The following CREB1 variants were observed in gnomAD, a reference collection of about 807,000 sequenced individuals.
CREB1 encodes the protein cyclic AMP-responsive element-binding protein 1.
CREB1 carries 2 observed loss-of-function variants against 42.0 expected under a neutral mutation model. The observed-to-expected ratio is 0.05, with a 90% CI of 0.02 to 0.15. The LOEUF (loss-of-function observed/expected upper bound fraction) is 0.15, where lower values mean the gene tolerates loss of function less well. CREB1 is among the 10% of genes least tolerant of loss of function. The pLI, the probability that CREB1 is intolerant of heterozygous loss-of-function variation, is 1.00. For synonymous variants in CREB1, 123 were observed against 139.9 expected (o/e 0.88, Z 0.85); for missense variants, 199 against 388.9 (o/e 0.51, Z 4.11).
At chr2:207,567,774 TTCTG>T in intron 4 of CREB1, 10 of 329,094 alleles carry the variant, frequency 3.0e-5, no homozygotes, top group East Asian at 4.8e-5. Context: ...TTTTTTTTTT[TTCTG>T]TTTCTGTTTC....
At chr2:207,557,460 A>G (rs1163754079) in intron 2 of CREB1, among the ~76,000 whole-genome samples, 3 of 152,198 alleles carry the variant, frequency 2.0e-5, no homozygotes, top group African/African-American at 7.2e-5. Flanking sequence ...AGGCAGGCGG[A>G]TCACGAGGTT....
intron 7 of CREB1, among the ~76,000 whole-genome samples, chr2:207,579,455 C>T (rs1321574342): frequency 6.6e-6 from 1 of 152,132 alleles, no homozygotes; most frequent in Non-Finnish European, 1.5e-5. Context: ...CTGTGTGGAA[C>T]AAAATGTTTA....
Position 207,570,176 on chromosome 2 carries a change from T to C in CREB1, c.363-3T>C. 2 of 1,595,762 alleles carry C rather than the reference T, an allele frequency of 1.3e-6. No individual in the cohort carries two copies. The highest frequency in any genetic ancestry group is 1.7e-6 in the Non-Finnish European group (2 of 1,173,224). ...TAATTATTCTAGTTTTCTAATTTTG[T>C]AGGAAAATTTTGAATGACTTATCTT... On this transcript the variant is annotated splice_polypyrimidine_tract_variant and splice_region_variant and intron_variant, in intron 4 of 7. Coordinates refer to ENST00000353267, the MANE Select transcript of CREB1 (RefSeq NM_004379.5).
chr2:207,531,194 T>C (rs2080609826), intron 1 of CREB1, among the ~76,000 whole-genome samples: 1 of 152,174 alleles, frequency 6.6e-6, no homozygotes, highest in Non-Finnish European at 1.5e-5. Flanking sequence ...GATGTACTCT[T>C]GTTTTACATC....
intron 7 of CREB1, 36 bp downstream of exon 7, chr2:207,577,691 T>G: frequency 6.2e-7 from 1 of 1,608,160 alleles, no homozygotes; most frequent in Non-Finnish European, 8.5e-7. Flanking sequence ...TGTTATGTGT[T>G]AAGTGTGTCT....
In CREB1 at chr2:207,555,736, C is replaced by G. The variant is rs1392918977; in HGVS notation, c.101C>G (p.Ala34Gly). 6.2e-7 allele frequency: 1 copy of G among 1,609,262 alleles called. No individual in the cohort carries two copies. Among genetic ancestry groups the G allele is most frequent in the Admixed American group, 1.7e-5 (1 of 59,934 alleles). ...ACAGTTCAAGCCCAGCCACAGATTG[C>G]CACATTAGCCCAGGTATAAAATACA... is the stretch of plus-strand genomic sequence containing the variant. Reference protein sequence around the residue: ...QMTVQAQPQIATLAQVSMPAA... With the variant: ...QMTVQAQPQIGTLAQVSMPAA... Residue 34 changes from alanine to glycine, a missense_variant, in exon 2 of 8, where the codon GCC (alanine) becomes GGC (glycine). Coordinates refer to ENST00000353267, the MANE Select transcript of CREB1 (RefSeq NM_004379.5).
chr2:207,536,383 C>T (rs1439334972), intron 1 of CREB1, among the ~76,000 whole-genome samples: 3 of 151,564 alleles, frequency 2.0e-5, no homozygotes, highest in African/African-American at 7.3e-5. Flanking sequence ...GGTGAAACCC[C>T]GTCTCTACTA....
intron 7 of CREB1, among the ~76,000 whole-genome samples, chr2:207,587,210 G>A (rs751697094): frequency 1.3e-5 from 2 of 152,012 alleles, no homozygotes; most frequent in South Asian, 2.1e-4. Flanking sequence ...TGGCTAACAC[G>A]GTGAAACTCC....
chr2:207,590,143 AGT>A, intron 7 of CREB1, among the ~76,000 whole-genome samples: 1 of 112,612 alleles, frequency 8.9e-6, no homozygotes. Context: ...TTTCTTCTTC[AGT>A]GAGTTTTGGA....
chr2:207,583,692 TA>T lies in CREB1; in HGVS notation c.839+6039del, dbSNP rs2083331281. Among the ~76,000 whole-genome samples, 15 of 152,342 alleles carry T rather than the reference TA, an allele frequency of 9.8e-5. No homozygotes were observed. In the South Asian group the frequency reaches 3.1e-3, roughly 32 times the overall value. Reference sequence around the variant, plus strand: ...TTTTATCCTTAAATTTGCATATACATAAGTTCACTCTTTGTGCTGTATAGTT... The same window carrying T: ...TTTTATCCTTAAATTTGCATATACATAGTTCACTCTTTGTGCTGTATAGTT... On this transcript the variant is annotated intron_variant, in intron 7 of 7. Transcript: ENST00000353267.
At chr2:207,582,249 T>C in intron 7 of CREB1, 1 of 692,948 alleles carries the variant, frequency 1.4e-6, no homozygotes, top group Non-Finnish European at 2.6e-6. Flanking sequence ...ACTTGGAGGC[T>C]ATGCAGATAT....
intron 7 of CREB1, among the ~76,000 whole-genome samples, chr2:207,579,574 T>A (rs1317921722): frequency 1.3e-5 from 2 of 152,336 alleles, no homozygotes; most frequent in Admixed American, 1.3e-4. Flanking sequence ...TAACTACAGT[T>A]CCTACCAGGC....
chr2:207,596,348 T>G (rs924664386), intron 7 of CREB1, among the ~76,000 whole-genome samples: 8 of 152,268 alleles, frequency 5.3e-5, no homozygotes, highest in South Asian at 2.1e-4. Context: ...TTTCAAGTTT[T>G]GCAGGAATTA....
chr2:207,565,162 G>C (rs1026830005), intron 3 of CREB1, among the ~76,000 whole-genome samples: 2 of 151,742 alleles, frequency 1.3e-5, no homozygotes, highest in African/African-American at 4.8e-5. Context: ...TCCTCCCCCA[G>C]AACGGTACAT....
At chr2:207,551,471 C>T (rs894838003) in intron 1 of CREB1, among the ~76,000 whole-genome samples, 13 of 152,130 alleles carry the variant, frequency 8.5e-5, no homozygotes, top group African/African-American at 2.7e-4. Flanking sequence ...ACAATCTCCA[C>T]TAAGAGCCTT....
At chr2:207,567,400 T>C (rs1574853934) in intron 3 of CREB1, 63 bp from the exon 4 acceptor site, 1 of 1,192,400 alleles carries the variant, frequency 8.4e-7, no homozygotes, top group Non-Finnish European at 1.2e-6. Context: ...TTTATATTTG[T>C]TTAATAAAAA....
chr2:207,578,995 C>T lies in CREB1; in HGVS notation c.839+1340C>T, dbSNP rs193264582. Reference sequence around the variant, plus strand: ...TAGAGACATGATTTCACTATTTTGGCCAGGCTGGTCTCGAACTCTTGACCT... The same window carrying T: ...TAGAGACATGATTTCACTATTTTGGTCAGGCTGGTCTCGAACTCTTGACCT... On this transcript the variant is annotated intron_variant, in intron 7 of 7. Transcript: ENST00000353267. 1.5e-4 allele frequency among the ~76,000 whole-genome samples: 23 copies of T among 152,176 alleles called. No homozygotes were observed. The East Asian group carries it at 4.4e-3, about 29-fold the overall frequency.
chr2:207,543,254 G>C (rs1258074659), intron 1 of CREB1, among the ~76,000 whole-genome samples: 1 of 152,114 alleles, frequency 6.6e-6, no homozygotes, highest in Non-Finnish European at 1.5e-5. Context: ...ATCTGCAGTT[G>C]GTTGAATCCA....
chr2:207,603,508 A>T lies in CREB1; in HGVS notation c.*6450A>T, dbSNP rs2087489825. On this transcript the variant is annotated 3_prime_UTR_variant, in exon 8 of 8. Coordinates refer to ENST00000353267, the MANE Select transcript of CREB1 (RefSeq NM_004379.5). ...TGCTAGTAGTGTGAAGCCATGTTTT[A>T]TTGGACTTAAAGTTACAATATATTA... is the stretch of plus-strand genomic sequence containing the variant. The T allele has an allele frequency of 4.5e-6, 1 of 224,612 alleles. No individual in the cohort carries two copies. Among genetic ancestry groups the T allele is most frequent in the Non-Finnish European group, 8.9e-6 (1 of 112,746 alleles). The allele number at this position is 224,612 out of a possible 1,614,324, so 13.9% of individuals were successfully genotyped here.
Sources: gnomAD v4.1 joint callset for allele counts (sites outside exome capture counted in the v4.1 genomes callset) on GRCh38, gnomAD v4.1.1 for gene constraint, MANE v1.5 for transcripts, NCBI Gene and HGNC (gene_info 2026-07-23, HGNC 2026-07-21) for gene names.